Variants in SETBP1 observed in about 807,000 individuals in gnomAD.
The protein encoded by SETBP1 is SET-binding protein.
In SETBP1, 9 loss-of-function variants were observed where a neutral mutation model predicts 101.0. The ratio of observed to expected loss-of-function variants is 0.09; its 90% CI spans 0.05 to 0.16. The LOEUF (loss-of-function observed/expected upper bound fraction) is 0.16. Among genes scored for constraint, SETBP1 ranks in the 10% least tolerant of loss-of-function variants. The pLI, the probability that SETBP1 is intolerant of heterozygous loss-of-function variation, is 1.00. For synonymous variants in SETBP1, 818 were observed against 788.5 expected (o/e 1.04, Z -0.63); for missense variants, 1,858 against 2,033.8 (o/e 0.91, Z 1.66).
At chr18:44,753,641 C>G (rs2144548492) in intron 2 of SETBP1, among the ~76,000 whole-genome samples, 2 of 152,310 alleles carry the variant, frequency 1.3e-5, no homozygotes, top group East Asian at 3.9e-4. Flanking sequence ...CCATGAATGA[C>G]CCAGACAGAA....
chr18:44,836,339 C>G (rs2072494861), intron 2 of SETBP1, among the ~76,000 whole-genome samples: 1 of 152,274 alleles, frequency 6.6e-6, no homozygotes. Flanking sequence ...TTCTGTCTAG[C>G]ATACCTCTGG....
intron 2 of SETBP1, among the ~76,000 whole-genome samples, chr18:44,709,981 C>A (rs1318308297): frequency 6.6e-6 from 1 of 151,976 alleles, no homozygotes; most frequent in East Asian, 1.9e-4. Context: ...GTCAAAGGAA[C>A]CATCAAGTGG....
chr18:44,950,700 A>G lies in SETBP1; in HGVS notation c.1360A>G (p.Asn454Asp), dbSNP rs754292247. ...TGAAGTAGTTAACAGGATACTTTCC[A>G]ACTCTGAGGGGAATAAGAAGGATCC... ...SSEVVNRILSNSEGNKKDPRV... is the reference protein window; with the variant it reads ...SSEVVNRILSDSEGNKKDPRV... Residue 454 changes from asparagine to aspartate, a missense_variant, in exon 4 of 6, where the codon AAC (asparagine) becomes GAC (aspartate). By Grantham distance (23) the Asn-to-Asp change is conservative. Around this residue, in one of 12 missense-constraint regions of SETBP1, gnomAD observed 581 missense variants for 535.1 expected, o/e 1.09. Coordinates refer to ENST00000649279, the MANE Select transcript of SETBP1 (RefSeq NM_015559.3). 1.4e-5 allele frequency: 23 copies of G among 1,614,068 alleles called. No individual in the cohort carries two copies. The highest frequency in any genetic ancestry group is 1.7e-5 in the Non-Finnish European group (20 of 1,180,034).
chr18:44,766,368 A>G (rs1403451096), intron 2 of SETBP1, among the ~76,000 whole-genome samples: 2 of 152,242 alleles, frequency 1.3e-5, no homozygotes, highest in Non-Finnish European at 2.9e-5. Context: ...ATTTAGCCTT[A>G]AAAAGGAAGG....
intron 4 of SETBP1, among the ~76,000 whole-genome samples, chr18:45,013,869 T>A (rs1230810339): frequency 1.3e-5 from 2 of 152,198 alleles, no homozygotes; most frequent in African/African-American, 2.4e-5. Flanking sequence ...CCATGTTTCT[T>A]TCTGCTGTGT....
intron 2 of SETBP1, among the ~76,000 whole-genome samples, chr18:44,850,582 G>A (rs2072832464): frequency 6.6e-6 from 1 of 151,988 alleles, no homozygotes. Flanking sequence ...TATTGGTCAG[G>A]CTGGTCTCGA....
rs565949588 is a variant in SETBP1, at chr18:45,063,116, G to T, written c.4209G>T (p.Glu1403Asp). The change falls in exon 6 of 6, where the codon GAG becomes GAT. Residue 1403 changes from glutamate (E) to aspartate (D), a missense_variant. Around this residue, in one of 12 missense-constraint regions of SETBP1, gnomAD observed 417 missense variants for 389.1 expected, o/e 1.07. Transcript: ENST00000649279. The part of the protein sequence containing the change: ...SSLKKRFKRR[E>D]IEAIQCEVRK... Reference sequence around the variant, plus strand: ...TGAAGAAGAGGTTCAAGCGGCGGGAGATCGAAGCCATCCAGTGCGAAGTGC... The same window carrying T: ...TGAAGAAGAGGTTCAAGCGGCGGGATATCGAAGCCATCCAGTGCGAAGTGC... The T allele has an allele frequency of 1.2e-6, 2 of 1,613,972 alleles. No individual in the cohort carries two copies. The highest frequency in any genetic ancestry group is 2.2e-5 in the South Asian group (2 of 91,048).
chr18:44,775,844 G>A (rs1465286658), intron 2 of SETBP1, among the ~76,000 whole-genome samples: 4 of 152,022 alleles, frequency 2.6e-5, no homozygotes, highest in African/African-American at 7.2e-5. Context: ...ATAGATCATA[G>A]ATACATGATG....
At chr18:44,877,068 C>CT (rs1446917263) in intron 3 of SETBP1, 2 of 1,055,042 alleles carry the variant, frequency 1.9e-6, no homozygotes, top group Admixed American at 5.2e-5. Context: ...CTCTCTAGGC[C>CT]TTTTTTCTAG....
intron 2 of SETBP1, among the ~76,000 whole-genome samples, chr18:44,802,205 C>T (rs2071621603): frequency 6.6e-6 from 1 of 152,118 alleles, no homozygotes; most frequent in African/African-American, 2.4e-5. Context: ...GAAACAGAGA[C>T]AGTCATTCTT....
chr18:44,758,500 A>G (rs2144574783), intron 2 of SETBP1, among the ~76,000 whole-genome samples: 1 of 151,576 alleles, frequency 6.6e-6, no homozygotes, highest in Non-Finnish European at 1.5e-5. Flanking sequence ...CTCCTGCCTC[A>G]GCCTCCCGAG....
Position 45,063,363 on chromosome 18 carries a change from G to C in SETBP1, c.4456G>C (p.Gly1486Arg). 2 of 1,572,474 alleles carry C rather than the reference G, an allele frequency of 1.3e-6. No homozygotes were observed. Among genetic ancestry groups the C allele is most frequent in the African/African-American group, 1.4e-5 (1 of 73,544 alleles). The change falls in exon 6 of 6, where the codon GGC becomes CGC. Residue 1486 changes from glycine to arginine, a missense_variant. Gly to Arg is a moderately radical substitution (Grantham distance 125). Transcript: ENST00000649279. ...EKCIDLPSKR[G>R]QKPSLSPLVL... ...ATGCATCGACCTGCCCAGCAAAAGA[G>C]GCCAGAAGCCCAGCCTGAGCCCGCT...
Position 44,701,507 on chromosome 18 carries a change from G to T in SETBP1, c.161G>T (p.Arg54Leu), listed in dbSNP as rs140717709. 3 of 1,613,790 alleles carry T rather than the reference G, an allele frequency of 1.9e-6. No individual in the cohort carries two copies. Among genetic ancestry groups the T allele is most frequent in the Non-Finnish European group, 8.5e-7 (1 of 1,179,880 alleles). Residue 54 changes from arginine (R) to leucine (L), a missense_variant, in exon 2 of 6, where the codon CGC becomes CTC. Arg to Leu is a moderately radical substitution (Grantham distance 102). This residue lies in a region of SETBP1 where 97 missense variants were observed against 101.2 expected (regional missense o/e 0.96). Transcript: ENST00000649279. The stretch of plus-strand genomic sequence containing the variant: ...AAGGGGATCCCGGTGGGCGGAGAGC[G>T]CATGGAGCCAGAGGAGGAGGATGAA... ...PGKGIPVGGE[R>L]MEPEEEDELG...
intron 3 of SETBP1, among the ~76,000 whole-genome samples, chr18:44,946,320 TG>T (rs2071206978): frequency 6.6e-6 from 1 of 152,218 alleles, no homozygotes; most frequent in African/African-American, 2.4e-5. Context: ...CACTAGGGAC[TG>T]GGCATGCTTA....
intron 5 of SETBP1, among the ~76,000 whole-genome samples, chr18:45,045,888 CTT>C (rs1330928104): frequency 1.3e-5 from 2 of 152,034 alleles, no homozygotes; most frequent in African/African-American, 4.8e-5. Flanking sequence ...TTCCCTGGAA[CTT>C]TTTTATCTTT....
At chr18:44,962,312 G>A (rs2071628733) in intron 4 of SETBP1, among the ~76,000 whole-genome samples, 1 of 152,190 alleles carries the variant, frequency 6.6e-6, no homozygotes, top group Admixed American at 6.5e-5. Context: ...GTACAGGAAG[G>A]CACTTGGCTA....
intron 2 of SETBP1, among the ~76,000 whole-genome samples, chr18:44,787,204 G>C (rs1219991566): frequency 2.0e-5 from 3 of 152,208 alleles, no homozygotes; most frequent in African/African-American, 4.8e-5. Context: ...TGGTGTGTAG[G>C]CAGGCTTCTT....
chr18:44,863,266 C>A (rs1271356109), intron 2 of SETBP1, among the ~76,000 whole-genome samples: 1 of 152,172 alleles, frequency 6.6e-6, no homozygotes, highest in African/African-American at 2.4e-5. Flanking sequence ...TTCAGAGTCC[C>A]CAGTACCCAG....
At chr18:45,024,468 C>T (rs1291679287) in intron 4 of SETBP1, among the ~76,000 whole-genome samples, 4 of 152,178 alleles carry the variant, frequency 2.6e-5, no homozygotes, top group Non-Finnish European at 5.9e-5. Context: ...CAGTTCCAAA[C>T]CTCCCCAATG....
Sources: gnomAD v4.1 joint callset for allele counts (sites outside exome capture counted in the v4.1 genomes callset) on GRCh38, gnomAD v4.1.1 for gene constraint, gnomAD v4.1.1 regional missense constraint, MANE v1.5 for transcripts, NCBI Gene and HGNC (gene_info 2026-07-23, HGNC 2026-07-21) for gene names.